LANCL2: variants seen among roughly 807,000 people sequenced by gnomAD.
LANCL2 encodes the protein lanC-like protein 2.
Under a neutral mutation model 56.9 loss-of-function variants are expected in LANCL2, and 33 were observed. That is an observed-to-expected ratio of 0.58 (90% CI 0.44 to 0.78). The LOEUF (loss-of-function observed/expected upper bound fraction) is 0.78. LANCL2 is among the 30% of genes least tolerant of loss of function. The pLI, the probability that LANCL2 is intolerant of heterozygous loss-of-function variation, is 0.00. For synonymous variants in LANCL2, 233 were observed against 228.2 expected (o/e 1.02, Z -0.19); for missense variants, 562 against 580.2 (o/e 0.97, Z 0.32).
intron 5 of LANCL2, among the ~76,000 whole-genome samples, chr7:55,409,437 A>T (rs1418971699): frequency 1.3e-5 from 2 of 152,178 alleles, no homozygotes; most frequent in East Asian, 3.8e-4. Flanking sequence ...CATTCTGCCC[A>T]GAAAGTTACC....
intron 7 of LANCL2, among the ~76,000 whole-genome samples, chr7:55,427,626 C>T (rs1790679032): frequency 6.6e-6 from 1 of 152,128 alleles, no homozygotes; most frequent in Admixed American, 6.5e-5. Context: ...GTAGATGGGC[C>T]ATCAAACAAG....
chr7:55,381,642 C>T (rs1414328671), intron 1 of LANCL2, among the ~76,000 whole-genome samples: 1 of 152,196 alleles, frequency 6.6e-6, no homozygotes, highest in Non-Finnish European at 1.5e-5. Context: ...TTTCCTCTTA[C>T]CCCTCGGAGT....
chr7:55,412,801 C>T (rs1386652757), intron 6 of LANCL2, among the ~76,000 whole-genome samples: 2 of 152,152 alleles, frequency 1.3e-5, no homozygotes. Flanking sequence ...GAGTATATAG[C>T]TGTAACACAA....
chr7:55,422,045 C>G (rs10272384), intron 6 of LANCL2, among the ~76,000 whole-genome samples: 2,745 of 152,234 alleles, frequency 0.018, 82 homozygotes, highest in African/African-American at 0.061. Flanking sequence ...AGAAATTTTG[C>G]TTTAAATAGA....
At chr7:55,366,296 G>T in intron 1 of LANCL2, 67 bp downstream of exon 1, 2 of 1,339,730 alleles carry the variant, frequency 1.5e-6, no homozygotes, top group African/African-American at 1.5e-5. Context: ...TCCACCTTCC[G>T]CCAGGCGTGA....
intron 1 of LANCL2, among the ~76,000 whole-genome samples, chr7:55,367,149 C>T (rs118042690): frequency 1.1e-3 from 163 of 152,300 alleles, no homozygotes; most frequent in Admixed American, 1.6e-3. Flanking sequence ...TCACCCTTCA[C>T]GGGCTATCTG....
intron 1 of LANCL2, among the ~76,000 whole-genome samples, chr7:55,370,559 G>A (rs961697562): frequency 3.9e-5 from 6 of 152,178 alleles, no homozygotes; most frequent in Non-Finnish European, 1.5e-5. Flanking sequence ...CCAGAACCCT[G>A]CAATGAGTAT....
intron 1 of LANCL2, among the ~76,000 whole-genome samples, chr7:55,386,868 C>T (rs1238118340): frequency 1.3e-5 from 2 of 152,130 alleles, no homozygotes; most frequent in East Asian, 3.9e-4. Context: ...GATATTGGAC[C>T]TTGCTGGAGA....
At chr7:55,396,853 T>A (rs1170764595) in intron 2 of LANCL2, 2 of 152,248 alleles carry the variant, frequency 1.3e-5, no homozygotes, top group African/African-American at 2.4e-5. Context: ...GAATACTCAT[T>A]TGTAAGCCTT....
At chr7:55,403,573 T>G (rs981009103) in intron 5 of LANCL2, among the ~76,000 whole-genome samples, 44 of 127,924 alleles carry the variant, frequency 3.4e-4, no homozygotes, top group East Asian at 2.4e-3. Context: ...TTTGTTGTTT[T>G]TTTTTTTTTT....
intron 6 of LANCL2, among the ~76,000 whole-genome samples, chr7:55,421,443 A>G (rs815969): frequency 0.033 from 4,956 of 151,390 alleles, 261 homozygotes; most frequent in African/African-American, 0.11. Context: ...GGTTCAAGCA[A>G]TTCTCCTGCC....
chr7:55,405,006 G>A (rs1388700834), intron 5 of LANCL2, among the ~76,000 whole-genome samples: 1 of 152,142 alleles, frequency 6.6e-6, no homozygotes, highest in Non-Finnish European at 1.5e-5. Context: ...TATGTGTTAG[G>A]GTTCTCCAGA....
At chr7:55,407,739 C>T (rs115487978) in intron 5 of LANCL2, among the ~76,000 whole-genome samples, 1 of 152,360 alleles carries the variant, frequency 6.6e-6, no homozygotes, top group African/African-American at 2.4e-5. Context: ...GAGTCTCCAG[C>T]TTGCTGGCCA....
chr7:55,401,086 A>G (rs1007044876), intron 4 of LANCL2, 88 bp from the exon 5 acceptor site: 4 of 1,068,580 alleles, frequency 3.7e-6, no homozygotes, highest in Non-Finnish European at 5.5e-6. Flanking sequence ...CTCTCTATAT[A>G]TGTCATATAT....
At chr7:55,398,351 T>G (rs1171372849) in intron 2 of LANCL2, 72 bp from the exon 3 acceptor site, 1 of 1,109,034 alleles carries the variant, frequency 9.0e-7, no homozygotes, top group East Asian at 2.4e-5. Flanking sequence ...TTTCATGTAA[T>G]TATAAATAAT....
In LANCL2 at chr7:55,425,187, G is replaced by C. The variant is rs576152856; in HGVS notation, c.1009-67G>C. 26 of 1,501,728 alleles carry C rather than the reference G, an allele frequency of 1.7e-5. No homozygotes were observed. The South Asian group carries it at 3.2e-4, about 18-fold the overall frequency. 93.0% of individuals were successfully genotyped at this position (1,501,728 alleles called of 1,614,324 possible). The stretch of plus-strand genomic sequence containing the variant: ...TCATGCCATATTCTAACCAGAAAGG[G>C]AAAGTATTTTGCCAACTCATCGTTG... On this transcript the variant is annotated intron_variant, in intron 6 of 8. Transcript: ENST00000254770.
In LANCL2 at chr7:55,433,349, C is replaced by A. The variant is rs917286399; in HGVS notation, c.*2029C>A. ...TTTATTTACAGATTTTTTTAAAAGC[C>A]ACCTGGGTTGACACCTTCCTACTTA... is the stretch of plus-strand genomic sequence containing the variant. On this transcript the variant is annotated 3_prime_UTR_variant, in exon 9 of 9. Coordinates refer to ENST00000254770, the MANE Select transcript of LANCL2 (RefSeq NM_018697.4). 2 of 152,104 alleles carry A rather than the reference C, an allele frequency of 1.3e-5. No homozygotes were observed. The highest frequency in any genetic ancestry group is 2.9e-5 in the Non-Finnish European group (2 of 68,030). The allele number at this position is 152,104 out of a possible 1,614,324, so 9.4% of individuals were successfully genotyped here. A position where few individuals can be genotyped will look rare whatever the true frequency, so the allele number is the denominator to read the frequency against.
intron 6 of LANCL2, among the ~76,000 whole-genome samples, chr7:55,423,011 C>T (rs982252583): frequency 1.4e-4 from 22 of 152,200 alleles, no homozygotes; most frequent in South Asian, 2.1e-4. Flanking sequence ...ATTGTGCTGT[C>T]TTTTCACACT....
intron 1 of LANCL2, among the ~76,000 whole-genome samples, chr7:55,374,701 C>T (rs1278673690): frequency 6.6e-6 from 1 of 152,200 alleles, no homozygotes; most frequent in Admixed American, 6.5e-5. Flanking sequence ...TCTAACATTA[C>T]AAGTGAATTA....
Sources: gnomAD v4.1 joint callset for allele counts (sites outside exome capture counted in the v4.1 genomes callset) on GRCh38, gnomAD v4.1.1 for gene constraint, MANE v1.5 for transcripts, NCBI Gene and HGNC (gene_info 2026-07-23, HGNC 2026-07-21) for gene names.